The following CCDC150 variants were observed in gnomAD, a reference collection of about 807,000 sequenced individuals.
The protein encoded by CCDC150 is coiled-coil domain-containing protein 150.
A neutral mutation model predicts 156.5 loss-of-function variants in CCDC150; 151 were observed. That is an observed-to-expected ratio of 0.97 (90% CI 0.85 to 1.10). CCDC150 has a LOEUF of 1.10. Ranked by LOEUF, CCDC150 falls within the 50% of genes least tolerant of loss-of-function variation. CCDC150 has a pLI of 0.00. For missense variants in CCDC150, 1,312 were observed against 1,268.1 expected, an observed-to-expected ratio of 1.03 and a Z score of -0.53; for synonymous variants, 452 against 429.4, an observed-to-expected ratio of 1.05 and a Z score of -0.65.
chr2:196,676,590 G>A lies in CCDC150; in HGVS notation c.1299G>A (p.Gln433=). 1 of 1,613,642 alleles carries A rather than the reference G, an allele frequency of 6.2e-7. No homozygotes were observed. Among genetic ancestry groups the A allele is most frequent in the Non-Finnish European group, 8.5e-7 (1 of 1,179,716 alleles). The change falls in exon 12 of 28, where the codon CAG becomes CAA. Residue 433 remains glutamine (Q), a synonymous_variant. Transcript: ENST00000389175. ...TCCTTGAGCATAACCAGTGTATCCA[G>A]AAAGCACAGGATGCTGAAAAGAGAA... ...HLILEHNQCI[Q]KAQDAEKRTA...
At chr2:196,692,557 G>C (rs1695556381) in intron 13 of CCDC150, among the ~76,000 whole-genome samples, 1 of 152,142 alleles carries the variant, frequency 6.6e-6, no homozygotes, top group Non-Finnish European at 1.5e-5. Flanking sequence ...ATAACCTATT[G>C]AATTTTGCCT....
chr2:196,657,361 C>A, intron 4 of CCDC150: 1 of 461,448 alleles, frequency 2.2e-6, no homozygotes, highest in Non-Finnish European at 3.9e-6. Context: ...ACCCTTACCC[C>A]ATACAAGTGA....
intron 17 of CCDC150, chr2:196,713,499 T>A: frequency 6.4e-7 from 1 of 1,550,720 alleles, no homozygotes; most frequent in Non-Finnish European, 8.7e-7. Context: ...ACACGCCGTG[T>A]GAGCTTTGCA....
chr2:196,649,365 C>G (rs1405742847), intron 2 of CCDC150, among the ~76,000 whole-genome samples: 1 of 152,166 alleles, frequency 6.6e-6, no homozygotes, highest in Non-Finnish European at 1.5e-5. Flanking sequence ...TGTAATGGAG[C>G]TGAAAAATTC....
intron 14 of CCDC150, among the ~76,000 whole-genome samples, chr2:196,700,651 CATTT>C (rs1696143952): frequency 6.6e-6 from 1 of 152,136 alleles, no homozygotes; most frequent in Non-Finnish European, 1.5e-5. Context: ...CTCCAATAAA[CATTT>C]ATTTTGTTTT....
intron 15 of CCDC150, among the ~76,000 whole-genome samples, chr2:196,703,021 C>T (rs758260211): frequency 2.0e-5 from 3 of 152,194 alleles, no homozygotes; most frequent in Admixed American, 6.5e-5. Context: ...ACTGCATTAA[C>T]CCTTCATGAG....
chr2:196,697,089 C>T (rs1260107935), intron 14 of CCDC150, among the ~76,000 whole-genome samples: 2 of 152,216 alleles, frequency 1.3e-5, no homozygotes, highest in Non-Finnish European at 2.9e-5. Context: ...CATCTGCATT[C>T]ACTCTCTTCT....
At chr2:196,709,092 G>C (rs1696893503) in intron 15 of CCDC150, among the ~76,000 whole-genome samples, 1 of 152,200 alleles carries the variant, frequency 6.6e-6, no homozygotes, top group African/African-American at 2.4e-5. Flanking sequence ...ATATCCTGAA[G>C]AGTGTTTTCC....
chr2:196,689,994 T>A (rs1695354726), intron 13 of CCDC150, among the ~76,000 whole-genome samples: 1 of 152,238 alleles, frequency 6.6e-6, no homozygotes, highest in South Asian at 2.1e-4. Flanking sequence ...TCTGCCTCTA[T>A]TGAAATAATC....
Position 196,654,309 on chromosome 2 carries a change from TTTA to T in CCDC150, c.177-2312_177-2310del, listed in dbSNP as rs200006759. ...TTCCCCAGGCTTGGGAAGTTTTTTT[TTTA>T]TTATTATTATTTCTTTGAATATGTT... On this transcript the variant is annotated intron_variant, in intron 2 of 27. Coordinates refer to ENST00000389175, the MANE Select transcript of CCDC150 (RefSeq NM_001080539.2). Among the ~76,000 whole-genome samples the T allele has an allele frequency of 1.6e-3, 248 of 152,204 alleles. 1 individual carries two copies. Among genetic ancestry groups the T allele is most frequent in the African/African-American group, 5.8e-3 (240 of 41,542 alleles).
At position 196,697,305 on chromosome 2, in the gene CCDC150, T is replaced by G. The variant is rs190640161; in HGVS notation, c.1623+2146T>G. Among the ~76,000 whole-genome samples, 357 of 152,270 alleles carry G rather than the reference T, an allele frequency of 2.3e-3. 1 individual carries two copies. Among genetic ancestry groups the G allele is most frequent in the African/African-American group, 5.8e-3 (240 of 41,550 alleles). On this transcript the variant is annotated intron_variant, in intron 14 of 27. Coordinates refer to ENST00000389175, the MANE Select transcript of CCDC150 (RefSeq NM_001080539.2). Reference sequence around the variant, plus strand: ...ATATTTCCTAATTTCAGGGGTTTTTTTTGTTGTTGTTGTTTTTTGCCATTT... The same window carrying G: ...ATATTTCCTAATTTCAGGGGTTTTTGTTGTTGTTGTTGTTTTTTGCCATTT...
intron 17 of CCDC150, among the ~76,000 whole-genome samples, chr2:196,715,185 G>A (rs769234293): frequency 6.6e-6 from 1 of 152,030 alleles, no homozygotes; most frequent in Non-Finnish European, 1.5e-5. Flanking sequence ...TTGTACACAT[G>A]ACATGTATAC....
chr2:196,711,767 A>T (rs190107819), intron 15 of CCDC150, among the ~76,000 whole-genome samples: 1 of 152,276 alleles, frequency 6.6e-6, no homozygotes, highest in East Asian at 1.9e-4. Context: ...TGACAGTTCT[A>T]ATTATACACA....
intron 14 of CCDC150, 87 bp downstream of exon 14, chr2:196,695,246 C>T: frequency 1.6e-6 from 1 of 634,136 alleles, no homozygotes; most frequent in East Asian, 2.8e-5. Flanking sequence ...GATGGGTTTT[C>T]TTTGTGTTTT....
chr2:196,720,532 G>A (rs1160173478), intron 19 of CCDC150, 43 bp from the exon 20 acceptor site: 9 of 1,526,818 alleles, frequency 5.9e-6, no homozygotes, highest in Middle Eastern at 1.7e-4. Context: ...ATTCCTACAC[G>A]ATTCTTTTCT....
At chr2:196,717,055 A>AT (rs1438919987) in intron 17 of CCDC150, among the ~76,000 whole-genome samples, 11 of 150,658 alleles carry the variant, frequency 7.3e-5, no homozygotes, top group Non-Finnish European at 1.6e-4. Context: ...TTTTTATTTT[A>AT]TTTTTTTGTA....
chr2:196,683,258 G>C (rs1236841640), intron 13 of CCDC150, among the ~76,000 whole-genome samples: 1 of 152,022 alleles, frequency 6.6e-6, no homozygotes, highest in East Asian at 1.9e-4. Context: ...TGCTTTTGCT[G>C]TGTCTATTGA....
At chr2:196,695,199 T>A (rs1178261901) in intron 14 of CCDC150, 40 bp downstream of exon 14, 1 of 1,066,754 alleles carries the variant, frequency 9.4e-7, no homozygotes, top group Non-Finnish European at 1.4e-6. Flanking sequence ...AATTAATGAC[T>A]AATGAGTTCA....
chr2:196,669,339 T>C (rs1370340860), intron 7 of CCDC150, among the ~76,000 whole-genome samples: 2 of 152,208 alleles, frequency 1.3e-5, no homozygotes, highest in African/African-American at 4.8e-5. Flanking sequence ...CAAGTCTGAA[T>C]GCCAGATGTT....
Sources: allele counts gnomAD v4.1 joint callset (sites outside exome capture counted in the v4.1 genomes callset), GRCh38; gene constraint gnomAD v4.1.1; transcripts MANE v1.5; gene names NCBI Gene and HGNC (gene_info 2026-07-23, HGNC 2026-07-21).